Variants in RAB3GAP2 observed in about 807,000 individuals in gnomAD.
The protein encoded by RAB3GAP2 is RAB3 GTPase activating non-catalytic protein subunit 2, also known as rab3 GTPase-activating protein non-catalytic subunit.
A neutral mutation model predicts 185.3 loss-of-function variants in RAB3GAP2; 87 were observed. That is an observed-to-expected ratio of 0.47 (90% confidence interval 0.39 to 0.56). The LOEUF is 0.56. Among genes scored for constraint, RAB3GAP2 ranks in the 20% least tolerant of loss-of-function variants. The probability of loss-of-function intolerance (pLI) is 0.00; values close to 1 mark genes in which losing one functional copy is unlikely to be tolerated. For synonymous variants in RAB3GAP2, 554 were observed against 576.1 expected, an observed-to-expected ratio of 0.96 and a Z score of 0.55; for missense variants, 1,492 against 1,638.2, an observed-to-expected ratio of 0.91 and a Z score of 1.54.
At chr1:220,164,385 A>G (rs987805086) in intron 27 of RAB3GAP2, among the ~76,000 whole-genome samples, 5 of 150,424 alleles carry the variant, frequency 3.3e-5, no homozygotes, top group Admixed American at 6.6e-5. Flanking sequence ...GGTGATTACT[A>G]TCAGTTGTTT....
intron 25 of RAB3GAP2, 50 bp from the exon 26 acceptor site, chr1:220,167,449 T>G (rs999671403): frequency 2.5e-6 from 4 of 1,612,876 alleles, no homozygotes; most frequent in Non-Finnish European, 3.4e-6. Context: ...TAATGAACAC[T>G]TGGCCACATC....
At chr1:220,256,510 G>A (rs948285479) in intron 1 of RAB3GAP2, among the ~76,000 whole-genome samples, 1 of 152,142 alleles carries the variant, frequency 6.6e-6, no homozygotes, top group African/African-American at 2.4e-5. Flanking sequence ...CACATGCAAA[G>A]ACACATAGGC....
In RAB3GAP2 at chr1:220,206,129, A is replaced by G; in HGVS notation, c.613-123T>C. On this transcript the variant is annotated intron_variant, in intron 7 of 34. Coordinates refer to ENST00000358951, the MANE Select transcript of RAB3GAP2 (RefSeq NM_012414.4). ...CAACACCCAAAGCAATATCAGGCAG[A>G]AGAACAGTAAAAATAGATAAAAAAT... The G allele has an allele frequency of 7.8e-6, 5 of 641,390 alleles. No homozygotes were observed. In the South Asian group the frequency reaches 1.1e-4, roughly 14 times the overall value. 39.7% of individuals were successfully genotyped at this position (641,390 alleles called of 1,614,324 possible). A position where few individuals can be genotyped will look rare whatever the true frequency, so the allele number is the denominator to read the frequency against.
chr1:220,179,430 G>T (rs1658360181), intron 21 of RAB3GAP2, among the ~76,000 whole-genome samples: 2 of 152,018 alleles, frequency 1.3e-5, no homozygotes, highest in Non-Finnish European at 2.9e-5. Flanking sequence ...AATAACAGAG[G>T]TCTTCAACCT....
rs1305131792 is a variant in RAB3GAP2 at position 220,151,030 on chromosome 1, C to CA, written c.*220dup. 5.8e-6 allele frequency: 3 copies of CA among 517,194 alleles called. No homozygotes were observed. Among genetic ancestry groups the CA allele is most frequent in the Non-Finnish European group, 1.0e-5 (3 of 295,656 alleles). 32.0% of individuals were successfully genotyped at this position (517,194 alleles called of 1,614,324 possible). A position where few individuals can be genotyped will look rare whatever the true frequency, so the allele number is the denominator to read the frequency against. On this transcript the variant is annotated 3_prime_UTR_variant, in exon 35 of 35. Transcript: ENST00000358951. Reference sequence around the variant, plus strand: ...AGTAAAACATCTGTATTAATTATAACAGAGTTGACATTTGTTTATATTTTA... The same window carrying CA: ...AGTAAAACATCTGTATTAATTATAACAAGAGTTGACATTTGTTTATATTTTA...
In RAB3GAP2 at chr1:220,153,965, T is replaced by C; in HGVS notation, c.3645+3A>G. ...AAAACAAAATCCAATAGCTATAATT[T>C]ACCTGTTGTCGTACAGAAATAAAAT... On this transcript the variant is annotated splice_donor_region_variant and intron_variant, in intron 32 of 34. Transcript: ENST00000358951. 1 of 1,613,336 alleles carries C rather than the reference T, an allele frequency of 6.2e-7. No individual in the cohort carries two copies. The highest frequency in any genetic ancestry group is 8.5e-7 in the Non-Finnish European group (1 of 1,179,662).
chr1:220,177,441 A>C (rs1393641393), intron 21 of RAB3GAP2, among the ~76,000 whole-genome samples: 2 of 152,252 alleles, frequency 1.3e-5, no homozygotes, highest in Admixed American at 6.5e-5. Flanking sequence ...ACATTCAGGG[A>C]AACACGACCT....
chr1:220,213,085 T>A, intron 3 of RAB3GAP2, 117 bp from the exon 4 acceptor site: 1 of 687,622 alleles, frequency 1.5e-6, no homozygotes, highest in Non-Finnish European at 2.4e-6. Flanking sequence ...AGTTGTGTAT[T>A]AACTGACTTG....
Position 220,151,744 on chromosome 1 carries a change from G to A in RAB3GAP2, c.3888C>T (p.Asp1296=), listed in dbSNP as rs541539358. 1.2e-6 allele frequency: 2 copies of A among 1,610,960 alleles called. No individual in the cohort carries two copies. Among genetic ancestry groups the A allele is most frequent in the African/African-American group, 2.7e-5 (2 of 74,958 alleles). ...LGEEAILQVH[D]KEVLASQLLV... ...GCAGCTGAGAGGCAAGGACCTCTTT[G>A]TCATGAACCTGTAGAATGGCCTGAA... is the stretch of plus-strand genomic sequence containing the variant. Residue 1296 remains aspartate, a synonymous_variant, in exon 34 of 35, where the codon GAC becomes GAT. Coordinates refer to ENST00000358951, the MANE Select transcript of RAB3GAP2 (RefSeq NM_012414.4).
chr1:220,151,887 A>C, intron 33 of RAB3GAP2, 123 bp from the exon 34 acceptor site: 1 of 1,012,440 alleles, frequency 9.9e-7, no homozygotes, highest in Non-Finnish European at 1.5e-6. Flanking sequence ...TTATCTTTTG[A>C]TTGTATACAA....
chr1:220,206,376 A>T (rs1487418632), intron 7 of RAB3GAP2, among the ~76,000 whole-genome samples: 1 of 152,218 alleles, frequency 6.6e-6, no homozygotes, highest in Non-Finnish European at 1.5e-5. Flanking sequence ...AAATATATTC[A>T]TACACATTTG....
rs1424305071 is a variant in RAB3GAP2, at chr1:220,149,490, T to C, written c.*1761A>G. 1 of 152,226 alleles carries C rather than the reference T, an allele frequency of 6.6e-6. No individual in the cohort carries two copies. Among genetic ancestry groups the C allele is most frequent in the African/African-American group, 2.4e-5 (1 of 41,456 alleles). 9.4% of individuals were successfully genotyped at this position (152,226 alleles called of 1,614,324 possible). On this transcript the variant is annotated 3_prime_UTR_variant, in exon 35 of 35. Coordinates refer to ENST00000358951, the MANE Select transcript of RAB3GAP2 (RefSeq NM_012414.4). ...TCCAAGTTTCTTTGACTAGCCTCCT[T>C]AAGTTCATACTACTACTTTCAGCGT...
chr1:220,176,836 A>G (rs1383879186), intron 21 of RAB3GAP2, among the ~76,000 whole-genome samples: 1 of 152,174 alleles, frequency 6.6e-6, no homozygotes, highest in Non-Finnish European at 1.5e-5. Context: ...TCTCTGAGCC[A>G]ACATGAGACA....
At position 220,235,059 on chromosome 1, in the gene RAB3GAP2, A is replaced by G. The variant is rs373697117; in HGVS notation, c.116-2196T>C. 3.0e-3 allele frequency among the ~76,000 whole-genome samples: 456 copies of G among 152,298 alleles called. 2 individuals are homozygous for G. Among genetic ancestry groups the G allele is most frequent in the African/African-American group, 0.01 (422 of 41,558 alleles). On this transcript the variant is annotated intron_variant, in intron 1 of 34. Transcript: ENST00000358951. ...GGAGTAAGTGGCAGAGTACAGTGTG[A>G]GTTCAGGTCTGAGTTCCAAAACCCA...
At chr1:220,159,321 A>G in intron 29 of RAB3GAP2, 65 bp downstream of exon 29, 1 of 1,322,976 alleles carries the variant, frequency 7.6e-7, no homozygotes, top group Non-Finnish European at 1.1e-6. Context: ...CTATACAGTT[A>G]ATAAAGTACT....
chr1:220,207,314 T>C (rs1658987323), intron 7 of RAB3GAP2, among the ~76,000 whole-genome samples: 1 of 152,236 alleles, frequency 6.6e-6, no homozygotes, highest in Non-Finnish European at 1.5e-5. Flanking sequence ...CAACAATACA[T>C]GAGAGTGACT....
Position 220,149,556 on chromosome 1 carries a change from A to ATGT in RAB3GAP2, c.*1694_*1695insACA, listed in dbSNP as rs143194915. 0.1 allele frequency: 15,300 copies of ATGT among 152,230 alleles called. 989 individuals are homozygous for ATGT. The highest frequency in any genetic ancestry group is 0.15 in the Non-Finnish European group (10,022 of 67,986). The allele number at this position is 152,230 out of a possible 1,614,324, so 9.4% of individuals were successfully genotyped here. ...AGGAAGAACTAATCTCTTAGAAAAC[A>ATGT]TATAACAAGTGACTGTTAACACAGA... is the stretch of plus-strand genomic sequence containing the variant. On this transcript the variant is annotated 3_prime_UTR_variant, in exon 35 of 35. Transcript: ENST00000358951.
intron 9 of RAB3GAP2, among the ~76,000 whole-genome samples, 159 bp from the exon 10 acceptor site, chr1:220,196,557 C>T (rs1658728089): frequency 6.6e-6 from 1 of 152,110 alleles, no homozygotes; most frequent in African/African-American, 2.4e-5. Flanking sequence ...TTCTGCCAGG[C>T]ATGGTGGCTC....
rs552114210 is a variant in RAB3GAP2, at chr1:220,269,254, CA to C, written c.115+2968del. On this transcript the variant is annotated intron_variant, in intron 1 of 34. Coordinates refer to ENST00000358951, the MANE Select transcript of RAB3GAP2 (RefSeq NM_012414.4). ...ACAGTGAGGGCAAAAACCTTAGCCACAAATGTGGTTGGCTGGTTTAACAACA... is the reference window on the plus strand; with the variant it reads ...ACAGTGAGGGCAAAAACCTTAGCCACAATGTGGTTGGCTGGTTTAACAACA... 2.4e-4 allele frequency among the ~76,000 whole-genome samples: 36 copies of C among 152,260 alleles called. No homozygotes were observed. In the South Asian group the frequency reaches 2.7e-3, roughly 11 times the overall value.
Sources: gnomAD v4.1 joint callset for allele counts (sites outside exome capture counted in the v4.1 genomes callset) on GRCh38, gnomAD v4.1.1 for gene constraint, MANE v1.5 for transcripts, NCBI Gene and HGNC (gene_info 2026-07-23, HGNC 2026-07-21) for gene names.